The following ITGA7 variants were observed in gnomAD, a reference collection of about 807,000 sequenced individuals.
ITGA7 encodes integrin alpha-7.
In ITGA7, 84 loss-of-function variants were observed where a neutral mutation model predicts 131.6. The ratio of observed to expected loss-of-function variants is 0.64; its 90% CI spans 0.54 to 0.77. ITGA7 has a LOEUF of 0.77. Among genes scored for constraint, ITGA7 ranks in the 30% least tolerant of loss-of-function variants. ITGA7 has a pLI of 0.00. For missense variants in ITGA7, 1,399 were observed against 1,482.9 expected (o/e 0.94, Z 0.93); for synonymous variants, 548 against 600.7 (o/e 0.91, Z 1.28).
chr12:55,708,352 C>G (rs1239033028), upstream of ITGA7, among the ~76,000 whole-genome samples: 1 of 152,076 alleles, frequency 6.6e-6, no homozygotes, highest in African/African-American at 2.4e-5. Context: ...GCTCCCTGTT[C>G]CCCCATGGTC....
In ITGA7 at chr12:55,698,479, C is replaced by T; in HGVS notation, c.1096G>A (p.Ala366Thr). Reference sequence around the variant, plus strand: ...CAGAGCCGGAGAGGGGAGATCCCAGCCCAGTGACCCCCCTGGTTCAAGTAC... The same window carrying T: ...CAGAGCCGGAGAGGGGAGATCCCAGTCCAGTGACCCCCCTGGTTCAAGTAC... Reference protein sequence around the residue: ...YVYLNQGGHWAGISPLRLCGS... With the variant: ...YVYLNQGGHWTGISPLRLCGS... The change falls in exon 7 of 25, where the codon GCT (alanine) becomes ACT (threonine). Residue 366 changes from alanine to threonine, a missense_variant. Coordinates refer to ENST00000257879, the MANE Select transcript of ITGA7 (RefSeq NM_002206.3). The T allele has an allele frequency of 6.2e-7, 1 of 1,613,924 alleles. No homozygotes were observed.
At chr12:55,687,480 T>C (rs573395483) in intron 24 of ITGA7, among the ~76,000 whole-genome samples, 32 of 131,774 alleles carry the variant, frequency 2.4e-4, no homozygotes, top group African/African-American at 9.2e-4. Context: ...TGAGCCACCA[T>C]GCCCGGCTTT....
At chr12:55,711,816 C>T (rs1876144202), upstream of ITGA7, among the ~76,000 whole-genome samples, 1 of 152,206 alleles carries the variant, frequency 6.6e-6, no homozygotes. Context: ...GAAGCTGAGG[C>T]TTTCTCCAGC....
At chr12:55,702,524 C>T (rs977646715) in intron 3 of ITGA7, among the ~76,000 whole-genome samples, 3 of 151,844 alleles carry the variant, frequency 2.0e-5, no homozygotes, top group Admixed American at 6.6e-5. Context: ...CATGTTGGTC[C>T]GGCTGGTCTC....
At chr12:55,699,679 C>T (rs1170045255) in intron 5 of ITGA7, 191 bp downstream of exon 5, 3 of 712,092 alleles carry the variant, frequency 4.2e-6, no homozygotes, top group African/African-American at 3.5e-5. Flanking sequence ...GAGGCCACCA[C>T]CCTGGGGGCC....
intron 12 of ITGA7, 55 bp downstream of exon 12, chr12:55,696,844 G>A: frequency 4.4e-6 from 7 of 1,597,412 alleles, no homozygotes; most frequent in Admixed American, 1.7e-5. Context: ...AGGAATCAGG[G>A]AAAAGAGATG....
At chr12:55,688,441 T>C (rs1870721160) in intron 22 of ITGA7, 141 bp from the exon 23 acceptor site, 2 of 758,046 alleles carry the variant, frequency 2.6e-6, no homozygotes, top group Non-Finnish European at 4.6e-6. Flanking sequence ...ATGCTGCGTT[T>C]GGGCTGGGCA....
At chr12:55,691,805 A>AG (rs1592418132) in intron 21 of ITGA7, among the ~76,000 whole-genome samples, 1 of 152,146 alleles carries the variant, frequency 6.6e-6, no homozygotes, top group African/African-American at 2.4e-5. Context: ...AGGGGAGCTG[A>AG]GGGCCCAAAG....
upstream of ITGA7, chr12:55,716,064 A>G: frequency 6.4e-7 from 1 of 1,562,216 alleles, no homozygotes; most frequent in Non-Finnish European, 8.7e-7. Flanking sequence ...GGCCCCGGGG[A>G]GCCGAGGTGA....
At chr12:55,705,041 G>C (rs770906511) in intron 1 of ITGA7, among the ~76,000 whole-genome samples, 1 of 152,178 alleles carries the variant, frequency 6.6e-6, no homozygotes, top group Non-Finnish European at 1.5e-5. Context: ...GACTCATAGA[G>C]ATACCCAGTG....
At position 55,696,340 on chromosome 12, in the gene ITGA7, C is replaced by A; in HGVS notation, c.1830G>T (p.Gly610=). Residue 610 remains glycine, a synonymous_variant, in exon 13 of 25, where the codon GGG becomes GGT. Coordinates refer to ENST00000257879, the MANE Select transcript of ITGA7 (RefSeq NM_002206.3). The part of the protein sequence containing the change: ...PRLRRQAPGQ[G]LPPVAPILNA... ...TGAGGATGGGGGCCACTGGAGGCAG[C>A]CCCTGGCCAGGAGCCTGTCGCCGGA... The A allele has an allele frequency of 6.3e-7, 1 of 1,584,900 alleles. No individual in the cohort carries two copies.
intron 21 of ITGA7, among the ~76,000 whole-genome samples, chr12:55,689,433 G>C (rs1210662147): frequency 6.6e-6 from 1 of 152,190 alleles, no homozygotes; most frequent in Non-Finnish European, 1.5e-5. Flanking sequence ...ATTCGGCAAA[G>C]CCACACCCCT....
upstream of ITGA7, among the ~76,000 whole-genome samples, chr12:55,715,270 A>C (rs1876430521): frequency 6.6e-6 from 1 of 152,190 alleles, no homozygotes; most frequent in Non-Finnish European, 1.5e-5. Flanking sequence ...TCCTAGTTTT[A>C]CTAAAGAGAA....
chr12:55,701,960 T>C (rs1337154943), intron 3 of ITGA7, among the ~76,000 whole-genome samples: 1 of 152,066 alleles, frequency 6.6e-6, no homozygotes, highest in East Asian at 1.9e-4. Context: ...TATCTATGCG[T>C]GTTACTGAAA....
intron 3 of ITGA7, chr12:55,701,533 AC>A (rs1404828669): frequency 1.0e-6 from 1 of 955,374 alleles, no homozygotes; most frequent in Non-Finnish European, 1.6e-6. Context: ...TGTAAGTGTC[AC>A]CATCTCATCT....
chr12:55,698,945 T>C (rs748220563), intron 5 of ITGA7, 28 bp from the exon 6 acceptor site: 4 of 1,576,940 alleles, frequency 2.5e-6, no homozygotes, highest in Non-Finnish European at 3.4e-6. Flanking sequence ...TACCCCTAAG[T>C]CTTCACCCCA....
At position 55,698,035 on chromosome 12, in the gene ITGA7, C is replaced by A; in HGVS notation, c.1193-9G>T. The A allele has an allele frequency of 6.2e-7, 1 of 1,613,876 alleles. No individual in the cohort carries two copies. The highest frequency in any genetic ancestry group is 8.5e-7 in the Non-Finnish European group (1 of 1,179,808). ...GGCACCCACTGCAATATCTGCAGGG[C>A]ACAGGGAAAAGGCAGTCACGCTGGC... On this transcript the variant is annotated splice_polypyrimidine_tract_variant and intron_variant, in intron 7 of 24. Coordinates refer to ENST00000257879, the MANE Select transcript of ITGA7 (RefSeq NM_002206.3).
Position 55,694,423 on chromosome 12 carries a change from T to C in ITGA7, c.2357+20A>G, listed in dbSNP as rs1872166767. The C allele has an allele frequency of 6.2e-7, 1 of 1,613,906 alleles. No individual in the cohort carries two copies. Among genetic ancestry groups the C allele is most frequent in the African/African-American group, 1.3e-5 (1 of 75,014 alleles). On this transcript the variant is annotated intron_variant, in intron 17 of 24. Transcript: ENST00000257879. The surrounding 1 kb of genome is among the most constrained non-coding windows in gnomAD (Gnocchi z 5.3). ...AATATGACTACCCCCACCTCACCCT[T>C]CCGGCCCCGCCTGGCTTACGTGGCC... is the stretch of plus-strand genomic sequence containing the variant.
upstream of ITGA7, chr12:55,712,011 A>G: frequency 7.0e-7 from 1 of 1,419,616 alleles, no homozygotes; most frequent in East Asian, 2.5e-5. Flanking sequence ...TCCCAAGGTC[A>G]GGCTTTTCCG....
Sources: gnomAD v4.1 joint callset for allele counts (sites outside exome capture counted in the v4.1 genomes callset) on GRCh38, gnomAD v4.1.1 for gene constraint, Gnocchi (gnomAD v3.1) non-coding constraint, MANE v1.5 for transcripts, NCBI Gene and HGNC (gene_info 2026-07-23, HGNC 2026-07-21) for gene names.